Variants in EPHA6 observed in about 807,000 individuals in gnomAD.
EPHA6 encodes ephrin type-A receptor 6.
In EPHA6, 50 loss-of-function variants were observed where a neutral mutation model predicts 112.0. The observed-to-expected ratio is 0.45, with a 90% CI of 0.36 to 0.56. EPHA6 has a LOEUF of 0.56. EPHA6 is among the 20% of genes least tolerant of loss of function. The pLI, the probability that EPHA6 is intolerant of heterozygous loss-of-function variation, is 0.00. For missense variants in EPHA6, 1,280 were observed against 1,417.4 expected, an observed-to-expected ratio of 0.90 and a Z score of 1.56; for synonymous variants, 529 against 490.7, an observed-to-expected ratio of 1.08 and a Z score of -1.03.
intron 7 of EPHA6, among the ~76,000 whole-genome samples, chr3:97,464,011 A>G (rs2090974281): frequency 6.6e-6 from 1 of 151,968 alleles, no homozygotes; most frequent in South Asian, 2.1e-4. Flanking sequence ...CAAAGGAAAG[A>G]CAGCTTTTAT....
intron 3 of EPHA6, among the ~76,000 whole-genome samples, chr3:97,220,134 C>T (rs556500327): frequency 1.3e-5 from 2 of 152,346 alleles, no homozygotes; most frequent in African/African-American, 2.4e-5. Context: ...CCCACCTCAG[C>T]CTTGACTTAA....
chr3:97,734,362 C>T (rs2035165279), intron 15 of EPHA6, among the ~76,000 whole-genome samples: 1 of 152,012 alleles, frequency 6.6e-6, no homozygotes, highest in Admixed American at 6.6e-5. Context: ...AAGTGTTTTA[C>T]ACACATCCTG....
chr3:97,091,048 AT>A (rs971544650), intron 3 of EPHA6, among the ~76,000 whole-genome samples: 3 of 152,056 alleles, frequency 2.0e-5, no homozygotes, highest in Admixed American at 6.6e-5. Flanking sequence ...ATGTGTATTA[AT>A]TTTCACAAAG....
At chr3:97,625,756 C>T (rs1405873174) in intron 13 of EPHA6, among the ~76,000 whole-genome samples, 1 of 151,430 alleles carries the variant, frequency 6.6e-6, no homozygotes, top group African/African-American at 2.4e-5. Flanking sequence ...AAATAGATGA[C>T]AATTTGGACT....
intron 3 of EPHA6, among the ~76,000 whole-genome samples, chr3:97,158,101 A>G (rs752219325): frequency 2.0e-5 from 3 of 152,118 alleles, no homozygotes; most frequent in Non-Finnish European, 4.4e-5. Context: ...ACACACTAAT[A>G]TGTTAGAAGT....
chr3:96,951,768 C>A (rs895527851), intron 2 of EPHA6, among the ~76,000 whole-genome samples: 2 of 152,080 alleles, frequency 1.3e-5, no homozygotes, highest in Non-Finnish European at 2.9e-5. Context: ...TTATATTATG[C>A]AGTTTCTTCT....
chr3:97,388,307 A>G (rs1430010475), intron 5 of EPHA6, among the ~76,000 whole-genome samples: 2 of 152,180 alleles, frequency 1.3e-5, no homozygotes, highest in East Asian at 3.9e-4. Flanking sequence ...GGAGAAGAAA[A>G]CTTTTTTTTT....
At chr3:97,307,961 T>G (rs1307566496) in intron 5 of EPHA6, among the ~76,000 whole-genome samples, 2 of 151,706 alleles carry the variant, frequency 1.3e-5, no homozygotes, top group Non-Finnish European at 2.9e-5. Context: ...CAAGATAGTC[T>G]CTTCTTCTCT....
chr3:97,753,007 A>G lies in EPHA6; in HGVS notation c.*4306A>G, dbSNP rs1165972322. ...TAATATTTTTTAATATGAAGACTCCAAAAGGTAGAGGAGTACACTGGGTTA... is the reference window on the plus strand; with the variant it reads ...TAATATTTTTTAATATGAAGACTCCGAAAGGTAGAGGAGTACACTGGGTTA... On this transcript the variant is annotated 3_prime_UTR_variant, in exon 18 of 18. Transcript: ENST00000389672. 6.6e-6 allele frequency among the ~76,000 whole-genome samples: 1 copy of G among 152,148 alleles called. No individual in the cohort carries two copies. The highest frequency in any genetic ancestry group is 2.4e-5 in the African/African-American group (1 of 41,454).
At chr3:97,112,196 A>G (rs1002100685) in intron 3 of EPHA6, among the ~76,000 whole-genome samples, 1 of 152,110 alleles carries the variant, frequency 6.6e-6, no homozygotes, top group African/African-American at 2.4e-5. Context: ...TCTGCTCTCA[A>G]TTTGCTTGTA....
intron 5 of EPHA6, among the ~76,000 whole-genome samples, chr3:97,276,204 G>A (rs2080073713): frequency 6.6e-6 from 1 of 152,138 alleles, no homozygotes; most frequent in Admixed American, 6.5e-5. Flanking sequence ...CATCCATGAT[G>A]GTCTAGGGGG....
chr3:97,006,712 A>G (rs1249427721), intron 3 of EPHA6, among the ~76,000 whole-genome samples: 1 of 152,044 alleles, frequency 6.6e-6, no homozygotes, highest in Non-Finnish European at 1.5e-5. Flanking sequence ...TGTTGATTCA[A>G]GATCTTTCTA....
At chr3:97,098,047 A>G (rs1304127560) in intron 3 of EPHA6, among the ~76,000 whole-genome samples, 4 of 152,006 alleles carry the variant, frequency 2.6e-5, no homozygotes, top group East Asian at 1.9e-4. Context: ...TGGCACTCAC[A>G]TAATATTTAC....
chr3:97,366,725 A>G (rs1559926669), intron 5 of EPHA6, among the ~76,000 whole-genome samples: 1 of 152,228 alleles, frequency 6.6e-6, no homozygotes, highest in Non-Finnish European at 1.5e-5. Flanking sequence ...CCTTAAAAAA[A>G]CAAAGCAATT....
intron 13 of EPHA6, among the ~76,000 whole-genome samples, chr3:97,635,754 A>C (rs1273035582): frequency 6.6e-6 from 1 of 152,140 alleles, no homozygotes; most frequent in Non-Finnish European, 1.5e-5. Context: ...CTCCGTGAAT[A>C]AGGTAAAAAC....
At chr3:97,531,307 G>C (rs1164297935) in intron 10 of EPHA6, among the ~76,000 whole-genome samples, 1 of 152,018 alleles carries the variant, frequency 6.6e-6, no homozygotes, top group Non-Finnish European at 1.5e-5. Flanking sequence ...TTTGTTGAAT[G>C]CATTACATTG....
chr3:97,027,654 A>G (rs543826392), intron 3 of EPHA6, among the ~76,000 whole-genome samples: 11 of 152,192 alleles, frequency 7.2e-5, no homozygotes, highest in Admixed American at 2.0e-4. Flanking sequence ...AAAATAAGTG[A>G]ATCCAGTTGC....
chr3:97,642,839 G>C (rs1226905949), intron 14 of EPHA6, among the ~76,000 whole-genome samples: 2 of 150,126 alleles, frequency 1.3e-5, no homozygotes, highest in Non-Finnish European at 3.0e-5. Flanking sequence ...GTGTTGGGGA[G>C]AATGGAACCA....
Position 96,936,290 on chromosome 3 carries a change from A to G in EPHA6, c.451-51040A>G, listed in dbSNP as rs963361145. Among the ~76,000 whole-genome samples the G allele has an allele frequency of 2.0e-5, 3 of 152,130 alleles. No homozygotes were observed. The East Asian group carries it at 5.8e-4, about 29-fold the overall frequency. On this transcript the variant is annotated intron_variant, in intron 2 of 17. Coordinates refer to ENST00000389672, the MANE Select transcript of EPHA6 (RefSeq NM_001080448.3). The stretch of plus-strand genomic sequence containing the variant: ...TTTCTTAAATGTTTTTTAAAACTCA[A>G]TAAAAAACATTTGGCTTTTCAAAAA...
Sources: allele counts gnomAD v4.1 joint callset (sites outside exome capture counted in the v4.1 genomes callset), GRCh38; gene constraint gnomAD v4.1.1; transcripts MANE v1.5; gene names NCBI Gene and HGNC (gene_info 2026-07-23, HGNC 2026-07-21).